The following ADGRL3 variants were observed in gnomAD, a reference collection of about 807,000 sequenced individuals.
ADGRL3 encodes the protein adhesion G protein-coupled receptor L3.
ADGRL3 carries 62 observed loss-of-function variants against 153.5 expected under a neutral mutation model. The observed-to-expected ratio is 0.40, with a 90% confidence interval of 0.33 to 0.50. The LOEUF is 0.50. Ranked by LOEUF, ADGRL3 falls within the 20% of genes least tolerant of loss-of-function variation. The pLI, the probability that ADGRL3 is intolerant of heterozygous loss-of-function variation, is 0.47. For synonymous variants in ADGRL3, 710 were observed against 672.5 expected (o/e 1.06, Z -0.86); for missense variants, 1,641 against 1,859.4 (o/e 0.88, Z 2.16).
chr4:61,893,055 C>T lies in ADGRL3; in HGVS notation c.1783+97C>T, dbSNP rs1228875430. The T allele has an allele frequency of 7.1e-6, 4 of 561,392 alleles. No homozygotes were observed. In the Admixed American group the frequency reaches 1.6e-4, roughly 22 times the overall value. The allele number at this position is 561,392 out of a possible 1,614,324, so 34.8% of individuals were successfully genotyped here. A position where few individuals can be genotyped will look rare whatever the true frequency, so the allele number is the denominator to read the frequency against. ...TTTTCCTTCCTCCTTTCCTCCCTCC[C>T]TCCCTTCCTCCCTCCCTCCCTCCTT... On this transcript the variant is annotated intron_variant, in intron 10 of 26. Transcript: ENST00000683033.
chr4:61,719,759 G>C (rs1009824542), intron 6 of ADGRL3, among the ~76,000 whole-genome samples: 1 of 151,556 alleles, frequency 6.6e-6, no homozygotes, highest in Non-Finnish European at 1.5e-5. Context: ...CCACCACTAC[G>C]CCTGGCTAAT....
chr4:61,342,862 A>G (rs2095833927), intron 1 of ADGRL3, among the ~76,000 whole-genome samples: 1 of 152,208 alleles, frequency 6.6e-6, no homozygotes, highest in Non-Finnish European at 1.5e-5. Context: ...CATGCTGCTA[A>G]TAAAGACATA....
chr4:61,954,812 C>CTCA (rs1288851897), intron 17 of ADGRL3, among the ~76,000 whole-genome samples: 1 of 152,114 alleles, frequency 6.6e-6, no homozygotes, highest in African/African-American at 2.4e-5. Context: ...TGAGGCTTTC[C>CTCA]TTGTTACCCT....
chr4:61,739,825 G>A (rs1041200197), intron 8 of ADGRL3, among the ~76,000 whole-genome samples: 3 of 152,208 alleles, frequency 2.0e-5, no homozygotes, highest in South Asian at 2.1e-4. Context: ...ACATTAATAC[G>A]TAATGTGTTT....
At chr4:61,296,397 A>G (rs1368425462) in intron 1 of ADGRL3, among the ~76,000 whole-genome samples, 1 of 152,300 alleles carries the variant, frequency 6.6e-6, no homozygotes, top group African/African-American at 2.4e-5. Flanking sequence ...TTGCCCTTTC[A>G]TGGTAAATGT....
intron 5 of ADGRL3, among the ~76,000 whole-genome samples, chr4:61,658,807 G>C (rs2094512162): frequency 6.6e-6 from 1 of 152,002 alleles, no homozygotes; most frequent in Non-Finnish European, 1.5e-5. Flanking sequence ...CAATTCTGGA[G>C]TCTCCTCCTT....
At chr4:61,635,125 A>G (rs1352054441) in intron 5 of ADGRL3, among the ~76,000 whole-genome samples, 1 of 152,190 alleles carries the variant, frequency 6.6e-6, no homozygotes, top group Non-Finnish European at 1.5e-5. Flanking sequence ...TGGCAGAGAC[A>G]GTTTACCTCA....
intron 1 of ADGRL3, among the ~76,000 whole-genome samples, chr4:61,219,425 A>C (rs748943564): frequency 2.0e-5 from 3 of 152,208 alleles, no homozygotes; most frequent in Non-Finnish European, 2.9e-5. Flanking sequence ...GAAAACCATA[A>C]AGCCAGATGT....
intron 8 of ADGRL3, among the ~76,000 whole-genome samples, chr4:61,796,218 TG>T (rs1291010983): frequency 6.6e-6 from 1 of 152,202 alleles, no homozygotes. Context: ...AATGACGCCC[TG>T]CACATGCTGC....
At chr4:61,772,491 G>C (rs999133548) in intron 8 of ADGRL3, among the ~76,000 whole-genome samples, 1 of 152,094 alleles carries the variant, frequency 6.6e-6, no homozygotes, top group Admixed American at 6.5e-5. Flanking sequence ...TTTAATTTAA[G>C]TTTTACACGA....
chr4:61,251,289 A>C (rs1759162111), intron 1 of ADGRL3, among the ~76,000 whole-genome samples: 1 of 152,148 alleles, frequency 6.6e-6, no homozygotes, highest in African/African-American at 2.4e-5. Context: ...GTGCCTAGCT[A>C]GACTATTGAC....
chr4:61,497,046 A>G (rs1374328404), intron 2 of ADGRL3, 75 bp from the exon 3 acceptor site: 1 of 452,994 alleles, frequency 2.2e-6, no homozygotes, highest in Admixed American at 4.4e-5. Context: ...ATGGCAATAT[A>G]TGTATTGTAT....
chr4:61,768,001 T>C (rs1473253632), intron 8 of ADGRL3, among the ~76,000 whole-genome samples: 2 of 151,916 alleles, frequency 1.3e-5, no homozygotes, highest in African/African-American at 2.4e-5. Flanking sequence ...AAAATGTATA[T>C]TGAGAATAAG....
chr4:61,821,432 G>C (rs78339212), intron 9 of ADGRL3, among the ~76,000 whole-genome samples: 23,044 of 151,474 alleles, frequency 0.15, 1,880 homozygotes, highest in East Asian at 0.26. Flanking sequence ...GCTTGATCTC[G>C]TCTCACCACA....
At chr4:61,248,830 G>A (rs75812359) in intron 1 of ADGRL3, among the ~76,000 whole-genome samples, 4 of 152,134 alleles carry the variant, frequency 2.6e-5, no homozygotes, top group Non-Finnish European at 5.9e-5. Flanking sequence ...GGAATGAATA[G>A]TGTCTAAATC....
In ADGRL3 at chr4:61,280,113, C is replaced by CT. The variant is rs1560420005; in HGVS notation, c.-240+78362dup. Among the ~76,000 whole-genome samples the CT allele has an allele frequency of 1.1e-4, 6 of 54,082 alleles. No homozygotes were observed. In the South Asian group the frequency reaches 2.2e-3, roughly 20 times the overall value. 35.5% of individuals were successfully genotyped at this position (54,082 alleles called of 152,430 possible). On this transcript the variant is annotated intron_variant, in intron 1 of 26. Coordinates refer to ENST00000683033, the MANE Select transcript of ADGRL3 (RefSeq NM_001387552.1). Reference sequence around the variant, plus strand: ...TTTTCTTTTCTTTTCTTTTCTTTTTCTTTTTTTTTTTTTTGAGACCGAGTC... The same window carrying CT: ...TTTTCTTTTCTTTTCTTTTCTTTTTCTTTTTTTTTTTTTTTGAGACCGAGTC...
At chr4:61,466,035 T>C (rs1481372098) in intron 2 of ADGRL3, among the ~76,000 whole-genome samples, 1 of 151,650 alleles carries the variant, frequency 6.6e-6, no homozygotes, top group Non-Finnish European at 1.5e-5. Context: ...GACAGGAGAA[T>C]CACTTGAACT....
chr4:61,893,058 C>T (rs2149607951), intron 10 of ADGRL3, 100 bp downstream of exon 10: 1 of 562,154 alleles, frequency 1.8e-6, no homozygotes. Flanking sequence ...TCCCTCCCTC[C>T]CTTCCTCCCT....
intron 8 of ADGRL3, among the ~76,000 whole-genome samples, chr4:61,745,968 G>T (rs4458480): frequency 0.58 from 88,197 of 151,808 alleles, 28,028 homozygotes; most frequent in African/African-American, 0.83. Flanking sequence ...GAAACTCATC[G>T]CACATGCAGA....
Sources: allele counts gnomAD v4.1 joint callset (sites outside exome capture counted in the v4.1 genomes callset), GRCh38; gene constraint gnomAD v4.1.1; transcripts MANE v1.5; gene names NCBI Gene and HGNC (gene_info 2026-07-23, HGNC 2026-07-21).